EPB41L4A: variants seen among roughly 807,000 people sequenced by gnomAD.
The protein encoded by EPB41L4A is band 4.1-like protein 4A.
In EPB41L4A, 100 loss-of-function variants were observed where a neutral mutation model predicts 108.6. That is an observed-to-expected ratio of 0.92 (90% confidence interval 0.78 to 1.09). The LOEUF (loss-of-function observed/expected upper bound fraction) is 1.09. Among genes scored for constraint, EPB41L4A ranks in the 50% least tolerant of loss-of-function variants. EPB41L4A has a pLI of 0.00. For synonymous variants in EPB41L4A, 319 were observed against 289.0 expected (o/e 1.10, Z -1.05); for missense variants, 1,030 against 842.7 (o/e 1.22, Z -2.75).
rs539636191 is a variant in EPB41L4A, at chr5:112,262,563, C to T, written c.573G>A (p.Glu191=). Residue 191 remains glutamate, a synonymous_variant, in exon 7 of 23, where the codon GAG becomes GAA. Transcript: ENST00000261486. ...CAGTCCTCAAGTAATTCAGCTCAGCCTCAGAAGGAATCTGACCCCTACACC... is the reference window on the plus strand; with the variant it reads ...CAGTCCTCAAGTAATTCAGCTCAGCTTCAGAAGGAATCTGACCCCTACACC... ...HKTLMGQIPS[E]AELNYLRTAK... 11 of 1,614,102 alleles carry T rather than the reference C, an allele frequency of 6.8e-6. No individual in the cohort carries two copies. The highest frequency in any genetic ancestry group is 4.5e-5 in the East Asian group (2 of 44,868).
chr5:112,238,443 T>C (rs1400168800), intron 11 of EPB41L4A, among the ~76,000 whole-genome samples: 1 of 152,180 alleles, frequency 6.6e-6, no homozygotes, highest in East Asian at 1.9e-4. Context: ...AAATAATATA[T>C]AAAGATGAAT....
At chr5:112,195,361 T>C (rs4958011) in intron 16 of EPB41L4A, among the ~76,000 whole-genome samples, 9,753 of 151,698 alleles carry the variant, frequency 0.064, 376 homozygotes, top group Middle Eastern at 0.096. Flanking sequence ...GCCTGTTCAA[T>C]GGACAGAATT....
At chr5:112,214,223 T>C (rs1013592053) in intron 12 of EPB41L4A, among the ~76,000 whole-genome samples, 1 of 152,172 alleles carries the variant, frequency 6.6e-6, no homozygotes, top group Admixed American at 6.5e-5. Flanking sequence ...TCATGTATTA[T>C]GTACCACAGA....
chr5:112,339,482 A>ATATATCTATATC (rs1561584968), intron 1 of EPB41L4A, among the ~76,000 whole-genome samples: 28 of 38,590 alleles, frequency 7.3e-4, no homozygotes, highest in African/African-American at 2.7e-3. Flanking sequence ...ATCTATATAT[A>ATATATCTATATC]TATATATATA....
At chr5:112,182,785 C>G (rs1761222232) in intron 18 of EPB41L4A, among the ~76,000 whole-genome samples, 1 of 144,026 alleles carries the variant, frequency 6.9e-6, no homozygotes, top group Non-Finnish European at 1.5e-5. Context: ...CTTATCTAAA[C>G]TTCCTTTTTT....
intron 6 of EPB41L4A, 41 bp from the exon 7 acceptor site, chr5:112,262,622 G>C (rs565671442): frequency 1.3e-6 from 2 of 1,504,450 alleles, no homozygotes; most frequent in African/African-American, 2.8e-5. Flanking sequence ...TTTTACAGCA[G>C]CTACTGCACT....
intron 1 of EPB41L4A, among the ~76,000 whole-genome samples, chr5:112,386,281 T>C (rs774367154): frequency 7.2e-5 from 11 of 152,208 alleles, no homozygotes; most frequent in Non-Finnish European, 1.5e-4. Context: ...GCTCAAACCT[T>C]ACATAAAATA....
intron 4 of EPB41L4A, among the ~76,000 whole-genome samples, chr5:112,268,060 T>C (rs1315095197): frequency 6.6e-6 from 1 of 152,128 alleles, no homozygotes; most frequent in Non-Finnish European, 1.5e-5. Flanking sequence ...CAGAGTCAAG[T>C]AAAATTAGGA....
chr5:112,385,915 T>C (rs1321550485), intron 1 of EPB41L4A, among the ~76,000 whole-genome samples: 1 of 152,214 alleles, frequency 6.6e-6, no homozygotes, highest in East Asian at 1.9e-4. Context: ...AACTAGGACA[T>C]TACTCCTTTC....
intron 12 of EPB41L4A, among the ~76,000 whole-genome samples, chr5:112,217,301 A>G (rs1004198009): frequency 6.6e-6 from 1 of 152,240 alleles, no homozygotes; most frequent in Non-Finnish European, 1.5e-5. Flanking sequence ...GCAAAAATAA[A>G]TATTAAAACA....
At chr5:112,338,858 C>G (rs1757085631) in intron 1 of EPB41L4A, among the ~76,000 whole-genome samples, 1 of 152,140 alleles carries the variant, frequency 6.6e-6, no homozygotes, top group African/African-American at 2.4e-5. Context: ...CCACAAAGCT[C>G]AAAATATTTA....
At chr5:112,371,652 C>G (rs1370302618) in intron 1 of EPB41L4A, among the ~76,000 whole-genome samples, 2 of 152,106 alleles carry the variant, frequency 1.3e-5, no homozygotes, top group Non-Finnish European at 2.9e-5. Context: ...GTCTGTGGCT[C>G]TTTACTGCTC....
chr5:112,212,593 C>A (rs1747269134), intron 12 of EPB41L4A, among the ~76,000 whole-genome samples: 1 of 152,110 alleles, frequency 6.6e-6, no homozygotes, highest in African/African-American at 2.4e-5. Context: ...CTGTGCCCAG[C>A]CCCCTAACAT....
At chr5:112,324,035 T>C (rs1755983218) in intron 1 of EPB41L4A, among the ~76,000 whole-genome samples, 1 of 152,140 alleles carries the variant, frequency 6.6e-6, no homozygotes, top group South Asian at 2.1e-4. Context: ...ATGAACCCAA[T>C]CTAAAGAAAT....
intron 6 of EPB41L4A, chr5:112,263,535 T>A (rs1052812332): frequency 3.9e-5 from 6 of 152,222 alleles, no homozygotes; most frequent in African/African-American, 1.4e-4. Context: ...AATATATAAT[T>A]GTGCTTTGAA....
chr5:112,223,896 A>C (rs1748258079), intron 12 of EPB41L4A, among the ~76,000 whole-genome samples: 1 of 150,940 alleles, frequency 6.6e-6, no homozygotes, highest in Admixed American at 6.6e-5. Flanking sequence ...AAACTGTAAT[A>C]GAGCCATGGT....
chr5:112,348,632 T>C (rs2150724243), intron 1 of EPB41L4A, among the ~76,000 whole-genome samples: 1 of 152,070 alleles, frequency 6.6e-6, no homozygotes, highest in East Asian at 1.9e-4. Context: ...CACTTCAGGG[T>C]GAGGAATGTG....
chr5:112,315,268 C>T (rs778629715), intron 1 of EPB41L4A, among the ~76,000 whole-genome samples: 3 of 152,350 alleles, frequency 2.0e-5, no homozygotes, highest in Non-Finnish European at 2.9e-5. Flanking sequence ...GATACTTACA[C>T]TCTTGCACTC....
At chr5:112,334,903 T>C (rs1197489561) in intron 1 of EPB41L4A, among the ~76,000 whole-genome samples, 1 of 152,188 alleles carries the variant, frequency 6.6e-6, no homozygotes, top group Non-Finnish European at 1.5e-5. Context: ...ATAAGGGGTC[T>C]GGGTATTTCA....
Sources: allele counts gnomAD v4.1 joint callset (sites outside exome capture counted in the v4.1 genomes callset), GRCh38; gene constraint gnomAD v4.1.1; transcripts MANE v1.5; gene names NCBI Gene and HGNC (gene_info 2026-07-23, HGNC 2026-07-21).